The following KCNMB2 variants were observed in gnomAD, a reference collection of about 807,000 sequenced individuals.
KCNMB2 encodes the protein potassium calcium-activated channel subfamily M regulatory beta subunit 2, also known as calcium-activated potassium channel subunit beta-2.
In KCNMB2, 9 loss-of-function variants were observed where a neutral mutation model predicts 24.5. That is an observed-to-expected ratio of 0.37 (90% confidence interval 0.22 to 0.64). The LOEUF is 0.64. KCNMB2 is among the 30% of genes least tolerant of loss of function. KCNMB2 has a pLI of 0.63. For synonymous variants in KCNMB2, 109 were observed against 104.4 expected (o/e 1.04, Z -0.27); for missense variants, 226 against 284.3 (o/e 0.79, Z 1.47).
chr3:178,643,695 T>C (rs548152343), intron 1 of KCNMB2, among the ~76,000 whole-genome samples: 7 of 152,314 alleles, frequency 4.6e-5, no homozygotes, highest in South Asian at 4.1e-4. Flanking sequence ...GTTCCAGTCA[T>C]AGAAATGCCC....
intron 1 of KCNMB2, among the ~76,000 whole-genome samples, chr3:178,753,817 C>T (rs536404837): frequency 3.4e-4 from 52 of 152,182 alleles, no homozygotes; most frequent in African/African-American, 1.3e-3. Context: ...AATCTACTTT[C>T]ATAGCAGTTT....
In KCNMB2 at chr3:178,686,045, TGAGAGA is replaced by T. The variant is rs775320270; in HGVS notation, c.-67-121283_-67-121278del. Among the ~76,000 whole-genome samples, 504 of 150,200 alleles carry T rather than the reference TGAGAGA, an allele frequency of 3.4e-3. 4 individuals are homozygous for T. Among genetic ancestry groups the T allele is most frequent in the African/African-American group, 0.012 (486 of 40,818 alleles). ...CATAACTGATTTTATTGTGTGTGTG[TGAGAGA>T]GAGAGAGAGAGAGATAATAAACCTT... On this transcript the variant is annotated intron_variant, in intron 1 of 4. Transcript: ENST00000452583.
intron 1 of KCNMB2, among the ~76,000 whole-genome samples, chr3:178,684,372 G>C (rs1045652514): frequency 1.3e-5 from 2 of 151,636 alleles, no homozygotes; most frequent in African/African-American, 2.4e-5. Flanking sequence ...ATGTAGATTG[G>C]AGTATACAAA....
At chr3:178,754,177 TACACACACACACACATAC>T (rs1723948172) in intron 1 of KCNMB2, among the ~76,000 whole-genome samples, 4 of 117,202 alleles carry the variant, frequency 3.4e-5, no homozygotes, top group African/African-American at 1.1e-4. Context: ...TATATATATA[TACACACACACACACATAC>T]ATATATATAT....
intron 1 of KCNMB2, among the ~76,000 whole-genome samples, chr3:178,804,193 T>G (rs147404073): frequency 6.6e-6 from 1 of 152,330 alleles, no homozygotes; most frequent in African/African-American, 2.4e-5. Flanking sequence ...CTGATCACAA[T>G]TCAAATGAAA....
At chr3:178,805,352 G>A (rs1040622335) in intron 1 of KCNMB2, among the ~76,000 whole-genome samples, 13 of 152,122 alleles carry the variant, frequency 8.5e-5, no homozygotes, top group African/African-American at 1.2e-4. Flanking sequence ...AAATATTGGC[G>A]CTGAGAGGAA....
intron 1 of KCNMB2, among the ~76,000 whole-genome samples, chr3:178,541,560 T>A (rs1445152279): frequency 6.6e-6 from 1 of 152,166 alleles, no homozygotes; most frequent in African/African-American, 2.4e-5. Context: ...ATTTATACAT[T>A]TTTTCAATTA....
At chr3:178,682,061 G>A (rs951025449) in intron 1 of KCNMB2, among the ~76,000 whole-genome samples, 1 of 152,016 alleles carries the variant, frequency 6.6e-6, no homozygotes, top group African/African-American at 2.4e-5. Flanking sequence ...TTTTCTAAAT[G>A]TTCCCCATCC....
At chr3:178,801,187 G>GA (rs1195968111) in intron 1 of KCNMB2, among the ~76,000 whole-genome samples, 1 of 152,094 alleles carries the variant, frequency 6.6e-6, no homozygotes, top group Non-Finnish European at 1.5e-5. Context: ...GTAATAATTG[G>GA]ATGGTTTGTA....
At chr3:178,600,457 T>G (rs1222642474) in intron 1 of KCNMB2, among the ~76,000 whole-genome samples, 1 of 152,212 alleles carries the variant, frequency 6.6e-6, no homozygotes, top group African/African-American at 2.4e-5. Flanking sequence ...ATACAATAAC[T>G]CTGTTTTTAA....
Position 178,757,828 on chromosome 3 carries a change from TCC to T in KCNMB2, c.-67-49514_-67-49513del, listed in dbSNP as rs1424455448. Among the ~76,000 whole-genome samples, 18 of 74,766 alleles carry T rather than the reference TCC, an allele frequency of 2.4e-4. 2 individuals carry two copies. Among genetic ancestry groups the T allele is most frequent in the African/African-American group, 3.5e-4 (6 of 17,038 alleles). 49.0% of individuals were successfully genotyped at this position (74,766 alleles called of 152,430 possible). ...ATCCAAGAGGATATATATATACACA[TCC>T]ATCCAAGAGGATATATATATCCAAG... is the stretch of plus-strand genomic sequence containing the variant. On this transcript the variant is annotated intron_variant, in intron 1 of 4. Transcript: ENST00000452583.
At position 178,802,905 on chromosome 3, in the gene KCNMB2, C is replaced by T. The variant is rs546765006; in HGVS notation, c.-67-4438C>T. Reference sequence around the variant, plus strand: ...AAAAAAGATCAATAGTCTAAATGTACAAGTACAAAGTGACTTAATCGAATT... The same window carrying T: ...AAAAAAGATCAATAGTCTAAATGTATAAGTACAAAGTGACTTAATCGAATT... On this transcript the variant is annotated intron_variant, in intron 1 of 4. Transcript: ENST00000452583. Among the ~76,000 whole-genome samples, 18 of 152,192 alleles carry T rather than the reference C, an allele frequency of 1.2e-4. No homozygotes were observed. The South Asian group carries it at 3.3e-3, about 28-fold the overall frequency.
At chr3:178,630,836 T>A (rs1273806505) in intron 1 of KCNMB2, among the ~76,000 whole-genome samples, 1 of 152,242 alleles carries the variant, frequency 6.6e-6, no homozygotes. Context: ...AGTGGACTCT[T>A]AAGAACTCTT....
intron 1 of KCNMB2, among the ~76,000 whole-genome samples, chr3:178,604,800 T>C (rs1033956234): frequency 2.1e-4 from 32 of 152,212 alleles, no homozygotes. Context: ...GGCTAACTTA[T>C]TTGACACAAA....
At position 178,685,864 on chromosome 3, in the gene KCNMB2, G is replaced by C. The variant is rs374857953; in HGVS notation, c.-67-121479G>C. Among the ~76,000 whole-genome samples, 17 of 152,084 alleles carry C rather than the reference G, an allele frequency of 1.1e-4. No homozygotes were observed. The East Asian group carries it at 2.9e-3, about 26-fold the overall frequency. ...ATACCTTCTAAGTAAGTTATTTTTT[G>C]CTTTTTAAAAATAGAGGTAAGAGGC... On this transcript the variant is annotated intron_variant, in intron 1 of 4. Coordinates refer to ENST00000452583, the MANE Select transcript of KCNMB2 (RefSeq NM_181361.3).
At chr3:178,624,772 G>T (rs945467537) in intron 1 of KCNMB2, among the ~76,000 whole-genome samples, 1 of 151,940 alleles carries the variant, frequency 6.6e-6, no homozygotes, top group African/African-American at 2.4e-5. Flanking sequence ...AAGGGTGTTG[G>T]CACTTCACGT....
intron 1 of KCNMB2, among the ~76,000 whole-genome samples, chr3:178,595,433 A>G (rs1005672817): frequency 6.6e-6 from 1 of 152,072 alleles, no homozygotes; most frequent in Non-Finnish European, 1.5e-5. Context: ...AGCTGCTGAT[A>G]TGGTTTGGCT....
intron 1 of KCNMB2, among the ~76,000 whole-genome samples, chr3:178,589,540 G>A (rs1375458533): frequency 6.6e-6 from 1 of 152,060 alleles, no homozygotes; most frequent in East Asian, 1.9e-4. Context: ...ATGCAGTAGT[G>A]CAATCATAGC....
At position 178,804,763 on chromosome 3, in the gene KCNMB2, A is replaced by C. The variant is rs369415000; in HGVS notation, c.-67-2580A>C. Among the ~76,000 whole-genome samples the C allele has an allele frequency of 3.3e-4, 50 of 152,340 alleles. 1 individual carries two copies. The South Asian group carries it at 0.01, about 31-fold the overall frequency. On this transcript the variant is annotated intron_variant, in intron 1 of 4. Transcript: ENST00000452583. ...AGCCAGGAACAGGACAGCACTCAGG[A>C]ATTTATTGGTTTAGCTAGACTCAAA...
Sources: allele counts gnomAD v4.1 joint callset (sites outside exome capture counted in the v4.1 genomes callset), GRCh38; gene constraint gnomAD v4.1.1; transcripts MANE v1.5; gene names NCBI Gene and HGNC (gene_info 2026-07-23, HGNC 2026-07-21).